ACSL1: variants seen among roughly 807,000 people sequenced by gnomAD.
ACSL1 encodes acyl-CoA synthetase long chain family member 1.
ACSL1 carries 41 observed loss-of-function variants against 98.4 expected under a neutral mutation model. That is an observed-to-expected ratio of 0.42 (90% CI 0.32 to 0.54). The LOEUF (loss-of-function observed/expected upper bound fraction) is 0.54. ACSL1 is among the 20% of genes least tolerant of loss of function. The probability of loss-of-function intolerance (pLI) is 0.13; values close to 1 mark genes in which losing one functional copy is unlikely to be tolerated. For missense variants in ACSL1, 734 were observed against 883.1 expected, an observed-to-expected ratio of 0.83 and a Z score of 2.14; for synonymous variants, 316 against 322.7, an observed-to-expected ratio of 0.98 and a Z score of 0.22.
intron 5 of ACSL1, among the ~76,000 whole-genome samples, chr4:184,779,292 T>C (rs1469025167): frequency 6.6e-6 from 1 of 152,108 alleles, no homozygotes; most frequent in Non-Finnish European, 1.5e-5. Flanking sequence ...ATCTGATGGG[T>C]TTATCAGGGG....
rs752965922 is a variant in ACSL1 at position 184,783,616 on chromosome 4, G to A, written c.375+311C>T. On this transcript the variant is annotated intron_variant, in intron 4 of 20. Transcript: ENST00000281455. ...GTTTTTCTAGTACCCCTCAAGTGGA[G>A]AGAAATAATGCTATGCCGCCAGGGG... Among the ~76,000 whole-genome samples the A allele has an allele frequency of 1.3e-4, 20 of 152,348 alleles. 2 individuals carry two copies. Among genetic ancestry groups the A allele is most frequent in the Admixed American group, 5.2e-4 (8 of 15,308 alleles).
At chr4:184,782,190 T>A in intron 4 of ACSL1, among the ~76,000 whole-genome samples, 1 of 151,648 alleles carries the variant, frequency 6.6e-6, no homozygotes, top group East Asian at 1.9e-4. Flanking sequence ...AGCCTGCAAT[T>A]GGATGCTATA....
intron 1 of ACSL1, among the ~76,000 whole-genome samples, chr4:184,817,791 G>T (rs770951210): frequency 2.6e-5 from 4 of 152,112 alleles, no homozygotes; most frequent in Non-Finnish European, 5.9e-5. Flanking sequence ...GCCTGAGAGG[G>T]TGAAGAGACT....
intron 5 of ACSL1, among the ~76,000 whole-genome samples, chr4:184,778,338 G>T (rs990691400): frequency 1.3e-5 from 2 of 152,194 alleles, no homozygotes; most frequent in East Asian, 1.9e-4. Context: ...CTGAGTTTCG[G>T]TTTTTTCCCA....
At chr4:184,822,372 T>C (rs1333596978) in intron 1 of ACSL1, among the ~76,000 whole-genome samples, 1 of 152,102 alleles carries the variant, frequency 6.6e-6, no homozygotes, top group Non-Finnish European at 1.5e-5. Flanking sequence ...GTCTCCAATA[T>C]TTCACCCGCC....
chr4:184,809,059 T>TA (rs1467477317), intron 1 of ACSL1, among the ~76,000 whole-genome samples: 6 of 152,184 alleles, frequency 3.9e-5, no homozygotes, highest in Non-Finnish European at 5.9e-5. Flanking sequence ...ATAATAAATC[T>TA]TAAACCCACT....
chr4:184,785,613 GGGGGGGGGAA>G (rs1186658833), intron 3 of ACSL1, among the ~76,000 whole-genome samples: 1 of 76,630 alleles, frequency 1.3e-5, no homozygotes, highest in Admixed American at 1.1e-4. Context: ...GGGCGGGGGG[GGGGGGGGGAA>G]GGAAGCAAAT....
chr4:184,757,543 G>A lies in ACSL1; in HGVS notation c.1956+92C>T. Reference sequence around the variant, plus strand: ...ATTTATTCCTCATGTATGTCTTTAGGTCACCCCATATGTTTATATAATCTA... The same window carrying A: ...ATTTATTCCTCATGTATGTCTTTAGATCACCCCATATGTTTATATAATCTA... On this transcript the variant is annotated intron_variant, in intron 20 of 20. Coordinates refer to ENST00000281455, the MANE Select transcript of ACSL1 (RefSeq NM_001995.5). This position sits in a 1 kb window ranked among gnomAD's most constrained non-coding sequence, Gnocchi z 4.5. 8.2e-7 allele frequency: 1 copy of A among 1,215,664 alleles called. No homozygotes were observed. The highest frequency in any genetic ancestry group is 1.2e-6 in the Non-Finnish European group (1 of 855,864). 75.3% of individuals were successfully genotyped at this position (1,215,664 alleles called of 1,614,324 possible).
intron 1 of ACSL1, chr4:184,808,488 CT>C: frequency 1.0e-6 from 1 of 985,444 alleles, no homozygotes; most frequent in Non-Finnish European, 1.2e-6. Flanking sequence ...TTAAGAAAGC[CT>C]GACATCTTTC....
rs377665801 is a variant in ACSL1 at position 184,757,161 on chromosome 4, C to T, written c.2061G>A (p.Ser687=). Residue 687 remains serine, a synonymous_variant, in exon 21 of 21, where the codon TCG becomes TCA. Coordinates refer to ENST00000281455, the MANE Select transcript of ACSL1 (RefSeq NM_001995.5). The surrounding 1 kb of genome is among the most constrained non-coding windows in gnomAD (Gnocchi z 4.5). The part of the protein sequence containing the change: ...KRPELRNYFR[S]QIDDLYSTIK... ...TAGTGGAATAGAGGTCATCTATCTG[C>T]GACCTGAAATAGTTCCGCAGCTCTG... 24 of 1,606,670 alleles carry T rather than the reference C, an allele frequency of 1.5e-5. No individual in the cohort carries two copies. Among genetic ancestry groups the T allele is most frequent in the Middle Eastern group, 1.7e-4 (1 of 6,058 alleles).
chr4:184,788,794 C>T, intron 2 of ACSL1, 63 bp from the exon 3 acceptor site: 1 of 1,212,280 alleles, frequency 8.2e-7, no homozygotes, highest in Non-Finnish European at 1.2e-6. Context: ...TGTGGAATGG[C>T]TAAATCAAGC....
At chr4:184,810,469 T>C (rs1049560852) in intron 1 of ACSL1, among the ~76,000 whole-genome samples, 1 of 152,094 alleles carries the variant, frequency 6.6e-6, no homozygotes, top group African/African-American at 2.4e-5. Context: ...AGACATAACA[T>C]AAATGTATAC....
chr4:184,764,885 C>A lies in ACSL1; in HGVS notation c.1400G>T (p.Cys467Phe). 6.2e-7 allele frequency: 1 copy of A among 1,613,968 alleles called. No individual in the cohort carries two copies. Among genetic ancestry groups the A allele is most frequent in the Non-Finnish European group, 8.5e-7 (1 of 1,179,938 alleles). Residue 467 changes from cysteine (C) to phenylalanine (F), a missense_variant, in exon 15 of 21, where the codon TGC becomes TTC. By Grantham distance (205) the Cys-to-Phe change is radical. Coordinates refer to ENST00000281455, the MANE Select transcript of ACSL1 (RefSeq NM_001995.5). ...CCAGTCTCCAGGCATGGTCAGGCAG[C>A]ACCCGGCAGTGCACTCTGTCTGTCC... is the stretch of plus-strand genomic sequence containing the variant. ...GYGQTECTAGCCLTMPGDWTA... is the reference protein window; with the variant it reads ...GYGQTECTAGFCLTMPGDWTA...
chr4:184,825,268 C>T lies in ACSL1; in HGVS notation c.-33+648G>A, dbSNP rs558858451. On this transcript the variant is annotated intron_variant, in intron 1 of 20. Coordinates refer to ENST00000281455, the MANE Select transcript of ACSL1 (RefSeq NM_001995.5). This position sits in a 1 kb window ranked among gnomAD's most constrained non-coding sequence, Gnocchi z 4.7. ...TGCCAGGTGACAGACATCATCTTTG[C>T]TTCTCAATTTCAAAAAATGCCAGCA... 1.0e-6 allele frequency: 1 copy of T among 985,364 alleles called. No homozygotes were observed. The highest frequency in any genetic ancestry group is 1.7e-5 in the African/African-American group (1 of 57,362). 61.0% of individuals were successfully genotyped at this position (985,364 alleles called of 1,614,324 possible).
At chr4:184,816,593 T>C (rs189459252) in intron 1 of ACSL1, among the ~76,000 whole-genome samples, 1 of 152,302 alleles carries the variant, frequency 6.6e-6, no homozygotes, top group East Asian at 1.9e-4. Flanking sequence ...AAATTTATTA[T>C]GAAAATTCAA....
chr4:184,775,484 T>C (rs1321747201), intron 7 of ACSL1, among the ~76,000 whole-genome samples: 4 of 151,836 alleles, frequency 2.6e-5, no homozygotes, highest in Non-Finnish European at 5.9e-5. Flanking sequence ...AAAACAGAAG[T>C]GGGGAAACAC....
chr4:184,784,287 C>T lies in ACSL1; in HGVS notation c.311-296G>A, dbSNP rs77571446. 5.6e-4 allele frequency among the ~76,000 whole-genome samples: 86 copies of T among 152,308 alleles called. 3 individuals carry two copies. The East Asian group carries it at 0.016, about 28-fold the overall frequency. Reference sequence around the variant, plus strand: ...TTTGTGATTCCTCTTTAACACCCTACTGGTTTAGACCAGGAGTCAGCAGAT... The same window carrying T: ...TTTGTGATTCCTCTTTAACACCCTATTGGTTTAGACCAGGAGTCAGCAGAT... On this transcript the variant is annotated intron_variant, in intron 3 of 20. Transcript: ENST00000281455.
intron 2 of ACSL1, among the ~76,000 whole-genome samples, chr4:184,791,397 G>A (rs1437500427): frequency 6.6e-6 from 1 of 152,196 alleles, no homozygotes; most frequent in African/African-American, 2.4e-5. Context: ...TGAAATCTCA[G>A]GTGCACAGGC....
intron 1 of ACSL1, among the ~76,000 whole-genome samples, chr4:184,824,878 A>T (rs1265344721): frequency 6.6e-6 from 1 of 152,202 alleles, no homozygotes; most frequent in Non-Finnish European, 1.5e-5. Flanking sequence ...TTTTTTTGCT[A>T]GCAAGAAGCC....
Sources: allele counts gnomAD v4.1 joint callset (sites outside exome capture counted in the v4.1 genomes callset), GRCh38; gene constraint gnomAD v4.1.1; non-coding constraint Gnocchi (gnomAD v3.1); transcripts MANE v1.5; gene names NCBI Gene and HGNC (gene_info 2026-07-23, HGNC 2026-07-21).